The following CYB5RL variants were observed in gnomAD, a reference collection of about 807,000 sequenced individuals.
CYB5RL encodes cytochrome b5 reductase like.
CYB5RL carries 38 observed loss-of-function variants against 37.5 expected under a neutral mutation model. The observed-to-expected ratio is 1.01, with a 90% CI of 0.78 to 1.33. The LOEUF is 1.33. CYB5RL is among the 40% of genes most tolerant of loss of function. CYB5RL has a pLI of 0.00. For missense variants in CYB5RL, 388 were observed against 394.4 expected, an observed-to-expected ratio of 0.98 and a Z score of 0.14; for synonymous variants, 141 against 151.9, an observed-to-expected ratio of 0.93 and a Z score of 0.53.
rs183273724 is a variant in CYB5RL, at chr1:54,170,761, A to T, written c.*3858T>A. 1.1e-5 allele frequency: 3 copies of T among 269,054 alleles called. No individual in the cohort carries two copies. The East Asian group carries it at 2.5e-4, about 23-fold the overall frequency. 16.7% of individuals were successfully genotyped at this position (269,054 alleles called of 1,614,324 possible). ...TGGTTGCACTCATGTGTCACACACA[A>T]CCTTTACCACAATCACATGCTGGAA... On this transcript the variant is annotated 3_prime_UTR_variant, in exon 8 of 8. Transcript: ENST00000534324.
chr1:54,179,919 G>C, intron 6 of CYB5RL: 1 of 453,996 alleles, frequency 2.2e-6, no homozygotes, highest in Non-Finnish European at 4.4e-6. Context: ...TAAGCATGTA[G>C]CACAGCACTG....
At chr1:54,183,294 GA>G (rs1274620080) in intron 6 of CYB5RL, among the ~76,000 whole-genome samples, 2 of 152,198 alleles carry the variant, frequency 1.3e-5, no homozygotes, top group Non-Finnish European at 2.9e-5. Context: ...AAGATGCAAT[GA>G]ACATACGCAG....
intron 6 of CYB5RL, among the ~76,000 whole-genome samples, chr1:54,181,826 G>A (rs572951370): frequency 6.6e-6 from 1 of 152,310 alleles, no homozygotes; most frequent in African/African-American, 2.4e-5. Flanking sequence ...GGTGATACAC[G>A]CCTGTAGTCC....
intron 6 of CYB5RL, among the ~76,000 whole-genome samples, chr1:54,180,638 T>C (rs956685963): frequency 2.6e-5 from 4 of 151,978 alleles, no homozygotes; most frequent in Non-Finnish European, 5.9e-5. Context: ...TGACCCTCTT[T>C]AAGGTCAGTG....
intron 7 of CYB5RL, among the ~76,000 whole-genome samples, chr1:54,178,766 T>C (rs1465473020): frequency 6.6e-6 from 1 of 152,174 alleles, no homozygotes; most frequent in African/African-American, 2.4e-5. Context: ...CATCACTCAG[T>C]TGGAGGGAGG....
At position 54,171,383 on chromosome 1, in the gene CYB5RL, G is replaced by C; in HGVS notation, c.*3236C>G. 1 of 456,384 alleles carries C rather than the reference G, an allele frequency of 2.2e-6. No homozygotes were observed. Among genetic ancestry groups the C allele is most frequent in the South Asian group, 1.5e-5 (1 of 64,564 alleles). The allele number at this position is 456,384 out of a possible 1,614,324, so 28.3% of individuals were successfully genotyped here. ...GGAGACAGGGAAGGATTTCAAGCAGGGGAGTGACAGGCTTGGATTTGTGTG... is the reference window on the plus strand; with the variant it reads ...GGAGACAGGGAAGGATTTCAAGCAGCGGAGTGACAGGCTTGGATTTGTGTG... On this transcript the variant is annotated 3_prime_UTR_variant, in exon 8 of 8. Transcript: ENST00000534324.
At chr1:54,190,263 C>T (rs922614743) in intron 4 of CYB5RL, among the ~76,000 whole-genome samples, 6 of 152,194 alleles carry the variant, frequency 3.9e-5, no homozygotes, top group East Asian at 1.9e-4. Flanking sequence ...ATCCTGGCTC[C>T]GTGACTTATT....
chr1:54,190,674 T>C, intron 4 of CYB5RL, 74 bp downstream of exon 4: 1 of 1,535,562 alleles, frequency 6.5e-7, no homozygotes, highest in East Asian at 2.4e-5. Context: ...AGTACGCTAG[T>C]TGGTCAAGGC....
At chr1:54,193,577 T>A (rs1643976330) in intron 3 of CYB5RL, among the ~76,000 whole-genome samples, 1 of 152,066 alleles carries the variant, frequency 6.6e-6, no homozygotes, top group African/African-American at 2.4e-5. Flanking sequence ...ATGCCTGTAA[T>A]CCCAGCAAGC....
At chr1:54,179,938 G>A in intron 6 of CYB5RL, 1 of 454,054 alleles carries the variant, frequency 2.2e-6, no homozygotes. Context: ...TGGCACAAAA[G>A]AGTCACTTGA....
Position 54,172,271 on chromosome 1 carries a change from A to G in CYB5RL, c.*2348T>C, listed in dbSNP as rs1269643484. On this transcript the variant is annotated 3_prime_UTR_variant, in exon 8 of 8. Transcript: ENST00000534324. ...AGCCTCGACCTCCTTGGCTCAAGCA[A>G]TACTCCCACCTCAGCCTCCAAAGTA... 2 of 151,398 alleles carry G rather than the reference A, an allele frequency of 1.3e-5. No homozygotes were observed. The highest frequency in any genetic ancestry group is 1.3e-4 in the Admixed American group (2 of 15,192). The allele number at this position is 151,398 out of a possible 1,614,324, so 9.4% of individuals were successfully genotyped here.
rs34426084 is a variant in CYB5RL, at chr1:54,199,341, G to A, written c.-223+635C>T. Among the ~76,000 whole-genome samples, 475 of 152,334 alleles carry A rather than the reference G, an allele frequency of 3.1e-3. 4 individuals are homozygous for A. Among genetic ancestry groups the A allele is most frequent in the African/African-American group, 0.011 (449 of 41,576 alleles). The stretch of plus-strand genomic sequence containing the variant: ...AGCTCATATCTTAGGGTGAGAAACA[G>A]TTATTAAGCAAGATCAGGATGGAAA... On this transcript the variant is annotated intron_variant, in intron 1 of 7. Coordinates refer to ENST00000534324, the MANE Select transcript of CYB5RL (RefSeq NM_001031672.4).
Position 54,173,713 on chromosome 1 carries a change from G to A in CYB5RL, c.*906C>T, listed in dbSNP as rs566992955. The A allele has an allele frequency of 3.3e-5, 5 of 152,760 alleles. No homozygotes were observed. The highest frequency in any genetic ancestry group is 1.2e-4 in the African/African-American group (5 of 41,580). The allele number at this position is 152,760 out of a possible 1,614,324, so 9.5% of individuals were successfully genotyped here. A position where few individuals can be genotyped will look rare whatever the true frequency, so the allele number is the denominator to read the frequency against. ...GCACGCTAGAGCCCAGGCTGTTGAA[G>A]GCAGAATTCATTAACTGCAGTGCGC... On this transcript the variant is annotated 3_prime_UTR_variant, in exon 8 of 8. Transcript: ENST00000534324.
chr1:54,197,277 T>C (rs765481053), intron 1 of CYB5RL, among the ~76,000 whole-genome samples: 42 of 151,638 alleles, frequency 2.8e-4, no homozygotes, highest in Non-Finnish European at 5.4e-4. Flanking sequence ...TCCCTGCTCA[T>C]AAAAGCTGCT....
At chr1:54,191,178 A>G (rs1643950585) in intron 3 of CYB5RL, among the ~76,000 whole-genome samples, 1 of 152,044 alleles carries the variant, frequency 6.6e-6, no homozygotes, top group African/African-American at 2.4e-5. Context: ...GGCCCTGTGG[A>G]CGACCCTCAT....
intron 1 of CYB5RL, among the ~76,000 whole-genome samples, chr1:54,198,057 G>T (rs1229896112): frequency 2.8e-5 from 3 of 108,964 alleles, no homozygotes. Context: ...AAAAAAAAAA[G>T]GGTGGTATCT....
At chr1:54,182,229 TG>T (rs1161805565) in intron 6 of CYB5RL, among the ~76,000 whole-genome samples, 3 of 152,208 alleles carry the variant, frequency 2.0e-5, no homozygotes, top group Non-Finnish European at 4.4e-5. Context: ...ATCTGTAGAA[TG>T]GGGTTGTAGC....
intron 4 of CYB5RL, among the ~76,000 whole-genome samples, chr1:54,189,705 G>A (rs906798275): frequency 6.6e-6 from 1 of 152,190 alleles, no homozygotes; most frequent in African/African-American, 2.4e-5. Context: ...ATGGATGGAA[G>A]GATGCCTGGG....
intron 2 of CYB5RL, 126 bp from the exon 3 acceptor site, chr1:54,195,841 G>C: frequency 2.4e-6 from 1 of 422,556 alleles, no homozygotes; most frequent in African/African-American, 2.0e-5. Flanking sequence ...GGAGTGTGCT[G>C]TCTGGTGGGG....
Sources: gnomAD v4.1 joint callset for allele counts (sites outside exome capture counted in the v4.1 genomes callset) on GRCh38, gnomAD v4.1.1 for gene constraint, MANE v1.5 for transcripts, NCBI Gene and HGNC (gene_info 2026-07-23, HGNC 2026-07-21) for gene names.